Variants in THADA observed in about 807,000 individuals in gnomAD.
THADA encodes tRNA (32-2'-O)-methyltransferase regulator THADA.
In THADA, 213 loss-of-function variants were observed where a neutral mutation model predicts 219.8. That is an observed-to-expected ratio of 0.97 (90% CI 0.87 to 1.09). The LOEUF (loss-of-function observed/expected upper bound fraction) is 1.09, where lower values mean the gene tolerates loss of function less well. Ranked by LOEUF, THADA falls within the 50% of genes least tolerant of loss-of-function variation. THADA has a pLI of 0.00. For synonymous variants in THADA, 1,018 were observed against 828.9 expected, an observed-to-expected ratio of 1.23 and a Z score of -3.92; for missense variants, 2,956 against 2,311.3, an observed-to-expected ratio of 1.28 and a Z score of -5.72.
At chr2:43,544,053 G>T (rs570638188) in intron 20 of THADA, among the ~76,000 whole-genome samples, 11 of 152,244 alleles carry the variant, frequency 7.2e-5, no homozygotes, top group African/African-American at 2.6e-4. Context: ...TTTGTATAAG[G>T]TGTAAGGAAG....
chr2:43,543,053 T>C (rs1052669235), intron 20 of THADA, among the ~76,000 whole-genome samples: 1 of 124,590 alleles, frequency 8.0e-6, no homozygotes, highest in Non-Finnish European at 1.6e-5. Context: ...GTCCCCAGAG[T>C]GTGATGTTCC....
At position 43,505,625 on chromosome 2, in the gene THADA, G is replaced by T. The variant is rs531990211; in HGVS notation, c.3618C>A (p.Pro1206=). Residue 1206 remains proline, a synonymous_variant, in exon 24 of 38, where the codon CCC becomes CCA. Coordinates refer to ENST00000405975, the MANE Select transcript of THADA (RefSeq NM_022065.5). ...GPTDDIQSTV[P]QVHALNILRA... ...GTTTGTGTATTTCCATGATTACCTG[G>T]GGGACTGTACTCTGTATGTCATCTG... 7 of 1,580,444 alleles carry T rather than the reference G, an allele frequency of 4.4e-6. No homozygotes were observed. In the East Asian group the frequency reaches 1.6e-4, roughly 36 times the overall value.
intron 36 of THADA, among the ~76,000 whole-genome samples, chr2:43,262,026 C>A (rs563458184): frequency 6.6e-6 from 1 of 152,312 alleles, no homozygotes; most frequent in South Asian, 2.1e-4. Flanking sequence ...CCCGCCTCGG[C>A]CTCTCAAAGT....
chr2:43,506,482 G>A (rs985993630), intron 23 of THADA, among the ~76,000 whole-genome samples: 3 of 152,090 alleles, frequency 2.0e-5, no homozygotes, highest in African/African-American at 2.4e-5. Context: ...ACAAAAGATC[G>A]TATACTGTAT....
intron 26 of THADA, among the ~76,000 whole-genome samples, chr2:43,451,397 T>C (rs1046213263): frequency 6.6e-6 from 1 of 152,196 alleles, no homozygotes; most frequent in South Asian, 2.1e-4. Flanking sequence ...TCCCCCACTG[T>C]CCATTATTCC....
intron 26 of THADA, among the ~76,000 whole-genome samples, chr2:43,465,978 A>G (rs914995299): frequency 1.3e-5 from 2 of 152,052 alleles, no homozygotes; most frequent in Admixed American, 6.5e-5. Flanking sequence ...CCATGCCACT[A>G]TGTTTCCTCT....
chr2:43,263,501 G>C lies in THADA; in HGVS notation c.5296+16264C>G, dbSNP rs185512786. On this transcript the variant is annotated intron_variant, in intron 36 of 37. Transcript: ENST00000405975. Reference sequence around the variant, plus strand: ...ACCTAAAATGTTGGGATGTATCCGAGGTATACAAGCTATCTTGTAACCATG... The same window carrying C: ...ACCTAAAATGTTGGGATGTATCCGACGTATACAAGCTATCTTGTAACCATG... 2.3e-3 allele frequency among the ~76,000 whole-genome samples: 344 copies of C among 152,230 alleles called. 1 individual carries two copies. Among genetic ancestry groups the C allele is most frequent in the African/African-American group, 7.9e-3 (330 of 41,532 alleles).
chr2:43,556,730 G>C (rs747681154), intron 16 of THADA, among the ~76,000 whole-genome samples, 175 bp from the exon 17 acceptor site: 1 of 152,038 alleles, frequency 6.6e-6, no homozygotes, highest in Non-Finnish European at 1.5e-5. Flanking sequence ...CTCAAGATCA[G>C]CCAAGACAAC....
chr2:43,507,307 G>A (rs1412008105), intron 23 of THADA, among the ~76,000 whole-genome samples: 1 of 152,176 alleles, frequency 6.6e-6, no homozygotes, highest in Non-Finnish European at 1.5e-5. Context: ...TACACCTACT[G>A]ATTACTCATT....
rs1359947372 is a variant in THADA at position 43,344,222 on chromosome 2, G to C, written c.4243C>G (p.Gln1415Glu). The C allele has an allele frequency of 6.2e-7, 1 of 1,602,126 alleles. No homozygotes were observed. ...CCGTGTTTGGAGTCTGAGTAGGCTT[G>C]CAACAAATGAAAAACCTAAACCAAA... The part of the protein sequence containing the change: ...GTLLQVFHLL[Q>E]AYSDSKHGTN... The change falls in exon 30 of 38, where the codon CAA (glutamine) becomes GAA (glutamate). Residue 1415 changes from glutamine to glutamate, a missense_variant. Transcript: ENST00000405975.
chr2:43,265,324 T>G (rs773994942), intron 36 of THADA, among the ~76,000 whole-genome samples: 88 of 152,278 alleles, frequency 5.8e-4, no homozygotes, highest in Admixed American at 1.7e-3. Context: ...AGCTTCAAAG[T>G]ATAAAAATAG....
intron 22 of THADA, among the ~76,000 whole-genome samples, chr2:43,523,911 G>C (rs188934128): frequency 1.3e-5 from 2 of 151,830 alleles, no homozygotes; most frequent in Non-Finnish European, 2.9e-5. Flanking sequence ...TGTATCTTAC[G>C]GTTGGACAAA....
chr2:43,463,885 T>A (rs1683927794), intron 26 of THADA, among the ~76,000 whole-genome samples: 1 of 152,202 alleles, frequency 6.6e-6, no homozygotes, highest in Non-Finnish European at 1.5e-5. Context: ...ATGTGCTCCT[T>A]GAATTGCTTA....
chr2:43,452,637 A>G (rs1682484203), intron 26 of THADA, among the ~76,000 whole-genome samples: 1 of 152,144 alleles, frequency 6.6e-6, no homozygotes, highest in South Asian at 2.1e-4. Flanking sequence ...CAGTCTCTCC[A>G]CTGCTGTCAA....
intron 30 of THADA, among the ~76,000 whole-genome samples, chr2:43,323,659 A>G (rs1232511972): frequency 6.6e-6 from 1 of 152,204 alleles, no homozygotes; most frequent in Non-Finnish European, 1.5e-5. Context: ...TGACCTGAGA[A>G]TTTTGACTAG....
At chr2:43,381,451 C>T (rs1269591324) in intron 29 of THADA, among the ~76,000 whole-genome samples, 3 of 152,108 alleles carry the variant, frequency 2.0e-5, no homozygotes, top group African/African-American at 7.2e-5. Context: ...GTGTGGGCTA[C>T]ACTTAGTGAT....
chr2:43,453,633 C>G (rs554768723), intron 26 of THADA, among the ~76,000 whole-genome samples: 2 of 152,092 alleles, frequency 1.3e-5, no homozygotes, highest in East Asian at 1.9e-4. Context: ...TTCTCACAAA[C>G]GCTGGTTTTT....
chr2:43,304,526 C>G, intron 31 of THADA, among the ~76,000 whole-genome samples: 1 of 152,214 alleles, frequency 6.6e-6, no homozygotes, highest in Non-Finnish European at 1.5e-5. Flanking sequence ...GTTCTTCCCT[C>G]TGCCTCAAAG....
At chr2:43,590,618 C>A (rs537386712) in intron 4 of THADA, among the ~76,000 whole-genome samples, 1 of 141,700 alleles carries the variant, frequency 7.1e-6, no homozygotes, top group African/African-American at 2.7e-5. Context: ...GCACTCCAGC[C>A]TGGGCGACAG....
Sources: gnomAD v4.1 joint callset for allele counts (sites outside exome capture counted in the v4.1 genomes callset) on GRCh38, gnomAD v4.1.1 for gene constraint, MANE v1.5 for transcripts, NCBI Gene and HGNC (gene_info 2026-07-23, HGNC 2026-07-21) for gene names.